Variants in DENND1B observed in about 807,000 individuals in gnomAD.
DENND1B encodes DENN domain containing 1B, also known as DENN domain-containing protein 1B.
A neutral mutation model predicts 90.1 loss-of-function variants in DENND1B; 59 were observed. That is an observed-to-expected ratio of 0.65 (90% CI 0.53 to 0.81). DENND1B has a LOEUF of 0.81. DENND1B is among the 40% of genes least tolerant of loss of function. The pLI is 0.00. For missense variants in DENND1B, 862 were observed against 912.6 expected (o/e 0.94, Z 0.71); for synonymous variants, 337 against 324.6 (o/e 1.04, Z -0.41).
chr1:197,535,142 G>T (rs1669783193), intron 20 of DENND1B, among the ~76,000 whole-genome samples: 1 of 152,112 alleles, frequency 6.6e-6, no homozygotes, highest in Non-Finnish European at 1.5e-5. Flanking sequence ...TTTTGCTAGT[G>T]TAAGTGGCTC....
At chr1:197,676,279 T>C (rs1428086799) in intron 3 of DENND1B, among the ~76,000 whole-genome samples, 1 of 152,080 alleles carries the variant, frequency 6.6e-6, no homozygotes, top group Non-Finnish European at 1.5e-5. Flanking sequence ...GAGAGAGACT[T>C]GGAAGGAGGC....
chr1:197,720,879 G>C (rs932762466), intron 2 of DENND1B, among the ~76,000 whole-genome samples: 1 of 152,052 alleles, frequency 6.6e-6, no homozygotes, highest in Non-Finnish European at 1.5e-5. Context: ...ATCTAATCTT[G>C]ATAAAACATA....
chr1:197,607,628 A>G (rs1053650601), intron 12 of DENND1B, among the ~76,000 whole-genome samples: 1 of 150,314 alleles, frequency 6.7e-6, no homozygotes, highest in African/African-American at 2.5e-5. Flanking sequence ...TTTTGTCTAT[A>G]TTCTATACAA....
At chr1:197,512,214 CCTTTA>C (rs1195397109) in intron 21 of DENND1B, among the ~76,000 whole-genome samples, 8 of 151,612 alleles carry the variant, frequency 5.3e-5, no homozygotes, top group Non-Finnish European at 1.0e-4. Flanking sequence ...GAATTTGGGA[CCTTTA>C]CTTTAGGAAT....
intron 13 of DENND1B, chr1:197,605,549 T>C (rs1350047799): frequency 6.6e-6 from 1 of 151,124 alleles, no homozygotes; most frequent in Non-Finnish European, 1.5e-5. Context: ...AGTACATGCA[T>C]ATAAGGAAAG....
At chr1:197,575,051 A>C (rs1673538120) in intron 15 of DENND1B, among the ~76,000 whole-genome samples, 1 of 152,184 alleles carries the variant, frequency 6.6e-6, no homozygotes, top group South Asian at 2.1e-4. Context: ...TGACTAAAAC[A>C]CCAAAAGCAA....
intron 3 of DENND1B, among the ~76,000 whole-genome samples, chr1:197,697,403 A>G (rs1417385177): frequency 6.6e-6 from 1 of 151,818 alleles, no homozygotes. Flanking sequence ...ATCATGAATT[A>G]ATTTCATCAT....
rs551237711 is a variant in DENND1B, at chr1:197,518,675, C to T, written c.1516-5722G>A. Among the ~76,000 whole-genome samples, 9 of 151,938 alleles carry T rather than the reference C, an allele frequency of 5.9e-5. No homozygotes were observed. In the South Asian group the frequency reaches 1.7e-3, roughly 28 times the overall value. On this transcript the variant is annotated intron_variant, in intron 20 of 22. Coordinates refer to ENST00000620048, the MANE Select transcript of DENND1B (RefSeq NM_001195215.2). ...AAGTAAGGAAATTCTGAAGGCTTAGCTAGTCAATACTGCATGGCTCTAGAT... is the reference window on the plus strand; with the variant it reads ...AAGTAAGGAAATTCTGAAGGCTTAGTTAGTCAATACTGCATGGCTCTAGAT...
intron 3 of DENND1B, among the ~76,000 whole-genome samples, chr1:197,688,049 AG>A (rs1657441665): frequency 6.6e-6 from 1 of 152,172 alleles, no homozygotes; most frequent in Non-Finnish European, 1.5e-5. Context: ...AAGCAAATTA[AG>A]AAAACAATCT....
At chr1:197,749,726 T>C (rs542836342) in intron 2 of DENND1B, among the ~76,000 whole-genome samples, 2 of 152,034 alleles carry the variant, frequency 1.3e-5, no homozygotes, top group African/African-American at 4.8e-5. Flanking sequence ...TAAGATTTTT[T>C]TTTTCATTTC....
chr1:197,735,579 G>A, intron 2 of DENND1B: 1 of 1,614,008 alleles, frequency 6.2e-7, no homozygotes, highest in Non-Finnish European at 8.5e-7. Flanking sequence ...ATTCTAAAGG[G>A]TATTACTCGA....
intron 10 of DENND1B, among the ~76,000 whole-genome samples, chr1:197,634,956 C>A (rs929039621): frequency 6.7e-6 from 1 of 150,124 alleles, no homozygotes; most frequent in African/African-American, 2.4e-5. Context: ...CACATCACTA[C>A]ACTCCAACAC....
intron 13 of DENND1B, among the ~76,000 whole-genome samples, chr1:197,596,785 A>G (rs1675738777): frequency 6.6e-6 from 1 of 151,884 alleles, no homozygotes; most frequent in Non-Finnish European, 1.5e-5. Flanking sequence ...TGTCAACCTA[A>G]TTAACAACTA....
chr1:197,697,298 A>C (rs962414170), intron 3 of DENND1B, among the ~76,000 whole-genome samples: 2 of 151,632 alleles, frequency 1.3e-5, no homozygotes. Context: ...GTTAGGATTC[A>C]AACTCATGTC....
intron 10 of DENND1B, among the ~76,000 whole-genome samples, chr1:197,636,425 C>T (rs1679799704): frequency 6.6e-6 from 1 of 152,034 alleles, no homozygotes; most frequent in African/African-American, 2.4e-5. Flanking sequence ...ATAAGATGGT[C>T]ATTGTAAGAG....
chr1:197,653,253 A>G (rs553425545), intron 6 of DENND1B, among the ~76,000 whole-genome samples: 5 of 152,246 alleles, frequency 3.3e-5, no homozygotes, highest in Non-Finnish European at 7.4e-5. Flanking sequence ...AACGAAATGT[A>G]TCAGAGAATA....
chr1:197,702,075 A>G (rs1000107742), intron 3 of DENND1B, among the ~76,000 whole-genome samples: 1 of 152,146 alleles, frequency 6.6e-6, no homozygotes, highest in African/African-American at 2.4e-5. Flanking sequence ...TAGATTATAA[A>G]GCCTCATAAA....
At chr1:197,736,092 G>A (rs1311922593) in intron 2 of DENND1B, 16 of 766,870 alleles carry the variant, frequency 2.1e-5, no homozygotes, top group Non-Finnish European at 3.4e-5. Context: ...CAGTTCTCGA[G>A]TTGGTGGAAA....
intron 1 of DENND1B, chr1:197,774,511 T>C (rs779974569): frequency 6.6e-6 from 1 of 152,214 alleles, no homozygotes; most frequent in Non-Finnish European, 1.5e-5. Context: ...AAAGTAGTCG[T>C]TGATAAATAC....
Sources: allele counts gnomAD v4.1 joint callset (sites outside exome capture counted in the v4.1 genomes callset), GRCh38; gene constraint gnomAD v4.1.1; transcripts MANE v1.5; gene names NCBI Gene and HGNC (gene_info 2026-07-23, HGNC 2026-07-21).